Variants in CNNM2 observed in about 807,000 individuals in gnomAD.
CNNM2 encodes cyclin and CBS domain divalent metal cation transport mediator 2, also known as metal transporter CNNM2.
A neutral mutation model predicts 66.9 loss-of-function variants in CNNM2; 12 were observed. The observed-to-expected ratio is 0.18, with a 90% confidence interval of 0.11 to 0.29. The LOEUF is 0.29. Among genes scored for constraint, CNNM2 ranks in the 10% least tolerant of loss-of-function variants. The pLI is 1.00. For synonymous variants in CNNM2, 557 were observed against 501.8 expected (o/e 1.11, Z -1.47); for missense variants, 705 against 1,167.7 (o/e 0.60, Z 5.77).
At chr10:102,936,234 A>G (rs1846236163) in intron 1 of CNNM2, among the ~76,000 whole-genome samples, 1 of 152,118 alleles carries the variant, frequency 6.6e-6, no homozygotes, top group South Asian at 2.1e-4. Context: ...ATCATTCAAG[A>G]GATGGAAATA....
intron 1 of CNNM2, among the ~76,000 whole-genome samples, chr10:102,939,649 C>T (rs1456051353): frequency 2.6e-5 from 4 of 152,140 alleles, no homozygotes; most frequent in Non-Finnish European, 5.9e-5. Flanking sequence ...TTCTTTGACT[C>T]ATCTTTAATC....
chr10:103,072,053 A>T (rs967716116), intron 6 of CNNM2, among the ~76,000 whole-genome samples: 2 of 152,248 alleles, frequency 1.3e-5, no homozygotes, highest in Non-Finnish European at 2.9e-5. Flanking sequence ...CAAAGTCACC[A>T]TGCACAGGAG....
At chr10:102,958,096 C>T (rs1354711177) in intron 1 of CNNM2, among the ~76,000 whole-genome samples, 1 of 152,044 alleles carries the variant, frequency 6.6e-6, no homozygotes, top group Non-Finnish European at 1.5e-5. Context: ...GCCACCACAC[C>T]CGGCTAATTT....
chr10:103,072,854 G>C (rs2065614981), intron 6 of CNNM2, among the ~76,000 whole-genome samples: 1 of 152,178 alleles, frequency 6.6e-6, no homozygotes, highest in Non-Finnish European at 1.5e-5. Flanking sequence ...GTGAATCCTT[G>C]TCCGTCTCAC....
At chr10:103,051,249 G>A (rs1416768120) in intron 2 of CNNM2, among the ~76,000 whole-genome samples, 2 of 151,898 alleles carry the variant, frequency 1.3e-5, no homozygotes, top group Non-Finnish European at 2.9e-5. Context: ...TGGCCAACAT[G>A]GTGAAACTCC....
chr10:103,090,079 C>T lies in CNNM2; in HGVS notation c.*12899C>T, dbSNP rs923143080. 8.0e-6 allele frequency: 4 copies of T among 502,590 alleles called. No individual in the cohort carries two copies. The highest frequency in any genetic ancestry group is 1.4e-5 in the Non-Finnish European group (4 of 292,376). The allele number at this position is 502,590 out of a possible 1,614,324, so 31.1% of individuals were successfully genotyped here. On this transcript the variant is annotated 3_prime_UTR_variant, in exon 8 of 8. Coordinates refer to ENST00000369878, the MANE Select transcript of CNNM2 (RefSeq NM_017649.5). ...GAACTACTTATAGTTGCCTGTCTTC[C>T]TCTCTCCCTGCCCCTCAAAATGGTG... is the stretch of plus-strand genomic sequence containing the variant.
At position 103,021,538 on chromosome 10, in the gene CNNM2, T is replaced by C. The variant is rs144058978; in HGVS notation, c.1622-28169T>C. On this transcript the variant is annotated intron_variant, in intron 1 of 7. Coordinates refer to ENST00000369878, the MANE Select transcript of CNNM2 (RefSeq NM_017649.5). ...TTGAGGGGCAGGGGGAGGAGTGGTC[T>C]TACCCGAAACGCCAGAGTTCTGGCG... Among the ~76,000 whole-genome samples, 170 of 152,222 alleles carry C rather than the reference T, an allele frequency of 1.1e-3. 1 individual carries two copies. The highest frequency in any genetic ancestry group is 2.3e-3 in the Admixed American group (35 of 15,288).
At chr10:103,067,689 T>G (rs1366305781) in intron 4 of CNNM2, among the ~76,000 whole-genome samples, 1 of 152,070 alleles carries the variant, frequency 6.6e-6, no homozygotes, top group Non-Finnish European at 1.5e-5. Flanking sequence ...ATGCAGGGAT[T>G]ATAGTGGACC....
In CNNM2 at chr10:103,085,469, G is replaced by A. The variant is rs17727686; in HGVS notation, c.*8289G>A. ...CGTGGAAGGACTATTGCTGCCTTTCGTGGGAAAAATGTGTGCTCAGCTGCT... is the reference window on the plus strand; with the variant it reads ...CGTGGAAGGACTATTGCTGCCTTTCATGGGAAAAATGTGTGCTCAGCTGCT... On this transcript the variant is annotated 3_prime_UTR_variant, in exon 8 of 8. Transcript: ENST00000369878. 2,049 of 152,274 alleles carry A rather than the reference G, an allele frequency of 0.013. 20 individuals are homozygous for A. Among genetic ancestry groups the A allele is most frequent in the South Asian group, 0.051 (244 of 4,824 alleles). The allele number at this position is 152,274 out of a possible 1,614,324, so 9.4% of individuals were successfully genotyped here.
chr10:103,012,751 C>G (rs1325957795), intron 1 of CNNM2, among the ~76,000 whole-genome samples: 1 of 148,628 alleles, frequency 6.7e-6, no homozygotes, highest in African/African-American at 2.5e-5. Flanking sequence ...ATAAACTCTT[C>G]TCTACAACAA....
At chr10:102,932,961 A>G (rs1413423844) in intron 1 of CNNM2, among the ~76,000 whole-genome samples, 2 of 151,294 alleles carry the variant, frequency 1.3e-5, no homozygotes, top group Non-Finnish European at 2.9e-5. Context: ...TTGAGAGTTT[A>G]CTTCTGAACC....
intron 1 of CNNM2, among the ~76,000 whole-genome samples, chr10:102,935,036 G>C (rs1846185417): frequency 1.3e-5 from 2 of 151,612 alleles, no homozygotes; most frequent in Non-Finnish European, 2.9e-5. Context: ...GCGGGCACCT[G>C]TAATCCCAGC....
chr10:103,016,326 G>A (rs1039445878), intron 1 of CNNM2, among the ~76,000 whole-genome samples: 5 of 152,104 alleles, frequency 3.3e-5, no homozygotes, highest in South Asian at 4.1e-4. Flanking sequence ...GGTGTTTCCA[G>A]TGTAATTTTA....
At chr10:103,025,056 G>A (rs187993878) in intron 1 of CNNM2, among the ~76,000 whole-genome samples, 20 of 152,112 alleles carry the variant, frequency 1.3e-4, no homozygotes, top group African/African-American at 4.6e-4. Context: ...CTTGATTAAG[G>A]TAGTGACTGC....
intron 1 of CNNM2, among the ~76,000 whole-genome samples, chr10:102,960,783 CTTTT>C (rs1183182236): frequency 2.0e-5 from 2 of 97,864 alleles, no homozygotes; most frequent in Admixed American, 1.2e-4. Flanking sequence ...CCATACCTGG[CTTTT>C]TTTTTTTTTT....
rs141906049 is a variant in CNNM2, at chr10:102,981,108, G to A, written c.1621+61007G>A. ...TCGCACCTGTAATCCCAGCACTTTG[G>A]GAGGCTGAAACAGGTGATCGCTTGA... On this transcript the variant is annotated intron_variant, in intron 1 of 7. Coordinates refer to ENST00000369878, the MANE Select transcript of CNNM2 (RefSeq NM_017649.5). Among the ~76,000 whole-genome samples, 25 of 152,156 alleles carry A rather than the reference G, an allele frequency of 1.6e-4. 1 individual carries two copies. In the East Asian group the frequency reaches 4.7e-3, roughly 28 times the overall value.
intron 1 of CNNM2, among the ~76,000 whole-genome samples, chr10:102,974,791 C>T (rs2063600245): frequency 6.6e-6 from 1 of 152,128 alleles, no homozygotes. Context: ...CCCGCCTTGG[C>T]CTCCCAAAGT....
At chr10:103,021,979 C>T (rs945340274) in intron 1 of CNNM2, among the ~76,000 whole-genome samples, 1 of 152,122 alleles carries the variant, frequency 6.6e-6, no homozygotes, top group Non-Finnish European at 1.5e-5. Context: ...AATTAGAATT[C>T]TTTAAGGTCA....
chr10:102,993,545 G>A (rs2063933892), intron 1 of CNNM2, among the ~76,000 whole-genome samples: 1 of 152,078 alleles, frequency 6.6e-6, no homozygotes, highest in Non-Finnish European at 1.5e-5. Context: ...TTTGTCTGTT[G>A]CCTTTTGCTT....
Sources: gnomAD v4.1 joint callset for allele counts (sites outside exome capture counted in the v4.1 genomes callset) on GRCh38, gnomAD v4.1.1 for gene constraint, MANE v1.5 for transcripts, NCBI Gene and HGNC (gene_info 2026-07-23, HGNC 2026-07-21) for gene names.